Variants in NPFFR2 observed in about 807,000 individuals in gnomAD.
NPFFR2 encodes neuropeptide FF receptor 2.
Under a neutral mutation model 13.1 loss-of-function variants are expected in NPFFR2, and 15 were observed. That is an observed-to-expected ratio of 1.15 (90% CI 0.77 to 1.76). The LOEUF is 1.76. Among genes scored for constraint, NPFFR2 ranks in the 40% most tolerant of loss-of-function variants. NPFFR2 has a pLI of 0.00. For synonymous variants in NPFFR2, 190 were observed against 175.7 expected, an observed-to-expected ratio of 1.08 and a Z score of -0.65; for missense variants, 572 against 503.5, an observed-to-expected ratio of 1.14 and a Z score of -1.30.
At chr4:72,083,758 C>T (rs1217047882) in intron 1 of NPFFR2, among the ~76,000 whole-genome samples, 1 of 152,094 alleles carries the variant, frequency 6.6e-6, no homozygotes, top group Non-Finnish European at 1.5e-5. Flanking sequence ...TCATTATCTT[C>T]TATCTCTCCT....
chr4:72,075,570 A>C (rs1309462823), intron 1 of NPFFR2, among the ~76,000 whole-genome samples: 1 of 152,158 alleles, frequency 6.6e-6, no homozygotes, highest in Non-Finnish European at 1.5e-5. Context: ...TGAACCCATA[A>C]TAAACCAACT....
intron 1 of NPFFR2, among the ~76,000 whole-genome samples, chr4:72,127,229 G>A (rs555546758): frequency 5.8e-5 from 8 of 139,098 alleles, no homozygotes; most frequent in Non-Finnish European, 9.2e-5. Flanking sequence ...GCGTGAACCC[G>A]GGAGGTGGAG....
intron 1 of NPFFR2, among the ~76,000 whole-genome samples, chr4:72,127,303 CAAAAAAAAA>C (rs772559589): frequency 1.8e-4 from 2 of 11,424 alleles, no homozygotes; most frequent in South Asian, 0.011. Context: ...GACTCCATCT[CAAAAAAAAA>C]AAAAAAAAAA....
chr4:72,114,590 A>G (rs1279100233), intron 1 of NPFFR2, among the ~76,000 whole-genome samples: 2 of 152,160 alleles, frequency 1.3e-5, no homozygotes, highest in African/African-American at 2.4e-5. Flanking sequence ...TGAGTACAAC[A>G]TGAATATATT....
chr4:72,136,732 C>T (rs754810436), intron 2 of NPFFR2, among the ~76,000 whole-genome samples: 9 of 152,090 alleles, frequency 5.9e-5, no homozygotes, highest in African/African-American at 1.7e-4. Flanking sequence ...TCATTACCCC[C>T]GCACCTGGTG....
intron 1 of NPFFR2, among the ~76,000 whole-genome samples, chr4:72,035,921 G>A (rs1162668178): frequency 6.6e-6 from 1 of 152,062 alleles, no homozygotes; most frequent in East Asian, 1.9e-4. Flanking sequence ...GAACTGATGT[G>A]CCTTTTTCTA....
At position 72,137,393 on chromosome 4, in the gene NPFFR2, T is replaced by C. The variant is rs370217338; in HGVS notation, c.329-647T>C. Among the ~76,000 whole-genome samples, 18 of 152,348 alleles carry C rather than the reference T, an allele frequency of 1.2e-4. No individual in the cohort carries two copies. The South Asian group carries it at 3.5e-3, about 30-fold the overall frequency. ...AACTACTACAATAATTTTATTATTT[T>C]CTTTTATAAACTTTACAGTAGCTAA... On this transcript the variant is annotated intron_variant, in intron 2 of 3. Transcript: ENST00000308744.
At chr4:72,073,842 C>T (rs1720340020) in intron 1 of NPFFR2, among the ~76,000 whole-genome samples, 3 of 151,584 alleles carry the variant, frequency 2.0e-5, no homozygotes, top group Non-Finnish European at 4.4e-5. Context: ...TACATGTAAT[C>T]CCCATGGTAA....
At chr4:72,133,659 T>C (rs1369688611) in intron 2 of NPFFR2, among the ~76,000 whole-genome samples, 1 of 152,200 alleles carries the variant, frequency 6.6e-6, no homozygotes. Context: ...TTTTTCTATT[T>C]GTTTGTGTCA....
intron 1 of NPFFR2, among the ~76,000 whole-genome samples, chr4:72,063,414 C>T (rs927190082): frequency 8.5e-5 from 13 of 152,142 alleles, no homozygotes; most frequent in African/African-American, 3.1e-4. Flanking sequence ...AATGGTTTCT[C>T]TTTAATAATG....
chr4:72,069,945 T>G (rs972751030), intron 1 of NPFFR2, among the ~76,000 whole-genome samples: 4 of 152,196 alleles, frequency 2.6e-5, no homozygotes, highest in African/African-American at 9.6e-5. Context: ...CTAGGGACTT[T>G]TTCATGTTCT....
intron 1 of NPFFR2, among the ~76,000 whole-genome samples, chr4:72,043,641 C>T (rs975420491): frequency 6.6e-6 from 1 of 152,138 alleles, no homozygotes; most frequent in Non-Finnish European, 1.5e-5. Flanking sequence ...GCCTGTAGCC[C>T]CTTTGTTTTC....
At chr4:72,050,823 C>T (rs1424456835) in intron 1 of NPFFR2, among the ~76,000 whole-genome samples, 3 of 138,786 alleles carry the variant, frequency 2.2e-5, no homozygotes, top group East Asian at 4.8e-4. Context: ...TCCATGTGTT[C>T]TCATTGTTCA....
chr4:72,058,244 TAG>T (rs1378828157), intron 1 of NPFFR2, among the ~76,000 whole-genome samples: 1 of 151,890 alleles, frequency 6.6e-6, no homozygotes, highest in Non-Finnish European at 1.5e-5. Context: ...AACTTACTCC[TAG>T]AGAGTTTAGA....
intron 1 of NPFFR2, among the ~76,000 whole-genome samples, chr4:72,107,463 G>A (rs1456330713): frequency 2.0e-5 from 3 of 151,562 alleles, no homozygotes; most frequent in African/African-American, 7.3e-5. Context: ...ATTAGTTATG[G>A]GGCCTGGGTC....
chr4:72,087,778 C>T (rs562757343), intron 1 of NPFFR2, among the ~76,000 whole-genome samples: 1 of 152,004 alleles, frequency 6.6e-6, no homozygotes, highest in Non-Finnish European at 1.5e-5. Context: ...AGTGTGAGAA[C>T]GGTTCCCACA....
At chr4:72,127,302 T>A (rs1410628320) in intron 1 of NPFFR2, among the ~76,000 whole-genome samples, 2 of 3,672 alleles carry the variant, frequency 5.4e-4, no homozygotes, top group Non-Finnish European at 1.1e-3. Flanking sequence ...AGACTCCATC[T>A]CAAAAAAAAA....
intron 1 of NPFFR2, among the ~76,000 whole-genome samples, chr4:72,046,960 CA>C (rs1174527524): frequency 6.6e-6 from 1 of 152,080 alleles, no homozygotes; most frequent in East Asian, 1.9e-4. Context: ...GAATTGTACC[CA>C]AAGCCTGAGG....
intron 2 of NPFFR2, among the ~76,000 whole-genome samples, chr4:72,131,596 TA>T (rs900522405): frequency 5.2e-4 from 79 of 151,490 alleles, no homozygotes; most frequent in South Asian, 1.9e-3. Context: ...TAAAGTGTAA[TA>T]AAAAAAAATT....
Sources: allele counts gnomAD v4.1 joint callset (sites outside exome capture counted in the v4.1 genomes callset), GRCh38; gene constraint gnomAD v4.1.1; transcripts MANE v1.5; gene names NCBI Gene and HGNC (gene_info 2026-07-23, HGNC 2026-07-21).